LTBP1: variants seen among roughly 807,000 people sequenced by gnomAD.
LTBP1 encodes the protein latent-transforming growth factor beta-binding protein 1.
In LTBP1, 129 loss-of-function variants were observed where a neutral mutation model predicts 207.6. That is an observed-to-expected ratio of 0.62 (90% CI 0.54 to 0.72). The LOEUF (loss-of-function observed/expected upper bound fraction) is 0.72. LTBP1 is among the 30% of genes least tolerant of loss of function. The pLI is 0.00. For missense variants in LTBP1, 2,281 were observed against 2,217.2 expected, an observed-to-expected ratio of 1.03 and a Z score of -0.58; for synonymous variants, 963 against 833.7, an observed-to-expected ratio of 1.16 and a Z score of -2.67.
At chr2:33,086,709 A>G (rs1329331427) in intron 3 of LTBP1, among the ~76,000 whole-genome samples, 2 of 152,012 alleles carry the variant, frequency 1.3e-5, no homozygotes, top group African/African-American at 2.4e-5. Flanking sequence ...CTTTAATACA[A>G]TTGTTATCTC....
rs1240293006 is a variant in LTBP1 at position 33,398,624 on chromosome 2, T to C, written c.*79T>C. On this transcript the variant is annotated 3_prime_UTR_variant, in exon 34 of 34. Coordinates refer to ENST00000404816, the MANE Select transcript of LTBP1 (RefSeq NM_206943.4). ...GGAGAAATGTATTATACTTGAGACA[T>C]TGCACCTACCCCGGAAGGCTGGAAA... is the stretch of plus-strand genomic sequence containing the variant. 1.5e-6 allele frequency: 2 copies of C among 1,347,220 alleles called. No homozygotes were observed. Among genetic ancestry groups the C allele is most frequent in the Non-Finnish European group, 2.0e-6 (2 of 992,664 alleles). The allele number at this position is 1,347,220 out of a possible 1,614,324, so 83.5% of individuals were successfully genotyped here.
Position 33,280,145 on chromosome 2 carries a change from TGGACAGTGCCTTGGTA to T in LTBP1, c.3102_3112+5del. On this transcript the variant is annotated splice_donor_variant and splice_donor_region_variant and coding_sequence_variant and intron_variant, in exon 19 of 34. Transcript: ENST00000404816. LOFTEE classifies it high-confidence loss of function. ...GCACAGAAGGATTCCGAGGCTGGAA[TGGACAGTGCCTTGGTA>T]GGTACTATAGTGTACTTATCAAAGA... 6.2e-7 allele frequency: 1 copy of T among 1,614,126 alleles called. No individual in the cohort carries two copies. The highest frequency in any genetic ancestry group is 8.5e-7 in the Non-Finnish European group (1 of 1,179,978).
chr2:33,075,657 C>A (rs1323472513), intron 3 of LTBP1, among the ~76,000 whole-genome samples: 3 of 152,168 alleles, frequency 2.0e-5, no homozygotes, highest in Non-Finnish European at 4.4e-5. Context: ...GAACCAACAT[C>A]TGATTTTGAA....
intron 2 of LTBP1, among the ~76,000 whole-genome samples, chr2:32,982,475 A>G (rs1682911589): frequency 6.6e-6 from 1 of 152,238 alleles, no homozygotes; most frequent in Admixed American, 6.5e-5. Context: ...AGCCCAAGAC[A>G]GTGGGCTTAA....
chr2:33,293,367 C>G, intron 20 of LTBP1, 85 bp downstream of exon 20: 1 of 1,348,612 alleles, frequency 7.4e-7, no homozygotes, highest in Non-Finnish European at 9.9e-7. Context: ...AAAGGGAACC[C>G]TGCTACCTGT....
intron 5 of LTBP1, among the ~76,000 whole-genome samples, chr2:33,181,848 C>T (rs1387344787): frequency 6.6e-6 from 1 of 152,140 alleles, no homozygotes; most frequent in African/African-American, 2.4e-5. Context: ...GATGATACAT[C>T]ACTAGATGAT....
intron 13 of LTBP1, among the ~76,000 whole-genome samples, chr2:33,260,733 C>T (rs817533): frequency 0.19 from 29,587 of 152,028 alleles, 3,371 homozygotes; most frequent in East Asian, 0.5. Flanking sequence ...TCAGTCACAG[C>T]GAGTAGTTTG....
At chr2:33,178,197 G>T (rs75909191) in intron 5 of LTBP1, among the ~76,000 whole-genome samples, 1 of 152,272 alleles carries the variant, frequency 6.6e-6, no homozygotes, top group South Asian at 2.1e-4. Context: ...ATGTTGCTGC[G>T]TTTTTCCTAA....
rs779022284 is a variant in LTBP1, at chr2:33,315,102, C to A, written c.3605-42C>A. ...TGTTTGATAGTATATGGGAATGAAA[C>A]CGATTTTTTTCAAGTTTTTAAGACT... On this transcript the variant is annotated intron_variant, in intron 23 of 33. Transcript: ENST00000404816. The A allele has an allele frequency of 2.6e-6, 4 of 1,536,244 alleles. No homozygotes were observed. In the East Asian group the frequency reaches 9.0e-5, roughly 35 times the overall value.
intron 22 of LTBP1, among the ~76,000 whole-genome samples, chr2:33,302,228 C>T (rs1395416943): frequency 6.6e-6 from 1 of 152,158 alleles, no homozygotes; most frequent in Non-Finnish European, 1.5e-5. Context: ...TCACTTTTAC[C>T]ACCGGTCTGT....
At chr2:33,056,309 AGTTTT>A in intron 3 of LTBP1, 13 of 875,936 alleles carry the variant, frequency 1.5e-5, no homozygotes, top group South Asian at 3.9e-5. Context: ...AACCGCCTGC[AGTTTT>A]GTTTTGTTTT....
chr2:32,950,585 C>T (rs963765122), intron 2 of LTBP1, among the ~76,000 whole-genome samples: 1 of 149,038 alleles, frequency 6.7e-6, no homozygotes, highest in Non-Finnish European at 1.5e-5. Flanking sequence ...ATTACCCAGA[C>T]ATGGTGGTGC....
intron 2 of LTBP1, among the ~76,000 whole-genome samples, chr2:32,977,498 C>G (rs1227770872): frequency 6.6e-6 from 1 of 152,154 alleles, no homozygotes; most frequent in Non-Finnish European, 1.5e-5. Flanking sequence ...TGACTGTGGC[C>G]TCTACTGGGG....
chr2:32,969,671 A>G (rs1680568337), intron 2 of LTBP1, among the ~76,000 whole-genome samples: 1 of 152,118 alleles, frequency 6.6e-6, no homozygotes, highest in Non-Finnish European at 1.5e-5. Flanking sequence ...TATCTAATCT[A>G]CTGTTGATGG....
At chr2:33,270,608 A>G (rs1237685929) in intron 15 of LTBP1, among the ~76,000 whole-genome samples, 1 of 151,610 alleles carries the variant, frequency 6.6e-6, no homozygotes, top group East Asian at 1.9e-4. Flanking sequence ...AAAAAAAAAA[A>G]AAAGAATGGA....
In LTBP1 at chr2:33,257,413, C is replaced by T. The variant is rs773789684; in HGVS notation, c.2297C>T (p.Ala766Val). ...FVKPKNTQPV[A>V]KSTHPPPLPA... ...AAGCCAAAGAACACTCAACCTGTTG[C>T]TAAAAGTACTCATCCTCCACCTCTC... The change falls in exon 12 of 34, where the codon GCT becomes GTT. Residue 766 changes from alanine to valine, a missense_variant. Ala to Val is a moderately conservative substitution (Grantham distance 64). Around this residue, in one of 3 missense-constraint regions of LTBP1, gnomAD observed 1,671 missense variants for 1,634.8 expected, o/e 1.02. Transcript: ENST00000404816. 8.7e-6 allele frequency: 14 copies of T among 1,614,094 alleles called. No individual in the cohort carries two copies. Among genetic ancestry groups the T allele is most frequent in the African/African-American group, 1.3e-5 (1 of 74,926 alleles).
chr2:33,259,047 G>T (rs539979101), intron 12 of LTBP1, among the ~76,000 whole-genome samples: 1 of 152,144 alleles, frequency 6.6e-6, no homozygotes, highest in South Asian at 2.1e-4. Context: ...ATTCTTTTTC[G>T]TAATTTAGTT....
chr2:33,320,499 G>A (rs1240598245), intron 24 of LTBP1, among the ~76,000 whole-genome samples: 3 of 152,090 alleles, frequency 2.0e-5, no homozygotes. Flanking sequence ...GTCAGAATCG[G>A]CTTTTCTGCT....
intron 18 of LTBP1, among the ~76,000 whole-genome samples, chr2:33,279,241 T>C (rs11694765): frequency 0.022 from 3,421 of 152,330 alleles, 63 homozygotes; most frequent in Non-Finnish European, 0.036. Context: ...TTTTAAACTG[T>C]TGAACTCTCT....
Sources: gnomAD v4.1 joint callset for allele counts (sites outside exome capture counted in the v4.1 genomes callset) on GRCh38, gnomAD v4.1.1 for gene constraint, gnomAD v4.1.1 regional missense constraint, MANE v1.5 for transcripts, NCBI Gene and HGNC (gene_info 2026-07-23, HGNC 2026-07-21) for gene names.